The following TAF1 variants were observed in gnomAD, a reference collection of about 807,000 sequenced individuals.
TAF1 encodes the protein TATA-box binding protein associated factor 1, also known as transcription initiation factor TFIID subunit 1.
A neutral mutation model predicts 138.5 loss-of-function variants in TAF1; 2 were observed. That is an observed-to-expected ratio of 0.01 (90% CI 0.01 to 0.05). The LOEUF is 0.05. Among genes scored for constraint, TAF1 ranks in the 10% least tolerant of loss-of-function variants. TAF1 has a pLI of 1.00. For synonymous variants in TAF1, 437 were observed against 503.2 expected (o/e 0.87, Z 1.76); for missense variants, 709 against 1,478.0 (o/e 0.48, Z 8.53).
intron 13 of TAF1, among the ~76,000 whole-genome samples, chrX:71,512,308 CTG>C (rs1345527148): frequency 1.8e-5 from 2 of 111,356 alleles, no homozygotes; most frequent in Non-Finnish European, 3.8e-5. Context: ...GTGCGAGACT[CTG>C]TCTCAAAAAC....
At chrX:71,397,797 C>T (rs1367678391) in intron 23 of TAF1, among the ~76,000 whole-genome samples, 1 of 110,796 alleles carries the variant, frequency 9.0e-6, no homozygotes, top group Non-Finnish European at 1.9e-5. Context: ...TCACCACTTT[C>T]GAGTGTGATA....
chrX:71,422,463 G>GT (rs778199275), intron 29 of TAF1, among the ~76,000 whole-genome samples: 1 of 107,496 alleles, frequency 9.3e-6, no homozygotes, highest in South Asian at 4.1e-4. Context: ...CCACAGGCGT[G>GT]TGCCACCACG....
At position 71,489,458 on chromosome X, in the gene TAF1, C is replaced by T. The variant is rs1210104133; in HGVS notation, c.1366+28655C>T. On this transcript the variant is annotated intron_variant and NMD_transcript_variant, in intron 13 of 14. Transcript: ENST00000373775. ...TTGGGAGACCGAGGCAGGCGGATCACCCGAGACTGAGAGTTCGAGACCAGC... is the reference window on the plus strand; with the variant it reads ...TTGGGAGACCGAGGCAGGCGGATCATCCGAGACTGAGAGTTCGAGACCAGC... Among the ~76,000 whole-genome samples the T allele has an allele frequency of 3.6e-5, 4 of 111,102 alleles. No homozygotes were observed. The East Asian group carries it at 1.1e-3, about 31-fold the overall frequency.
intron 13 of TAF1, among the ~76,000 whole-genome samples, chrX:71,496,715 C>G (rs778978707): frequency 2.7e-5 from 3 of 110,549 alleles, no homozygotes; most frequent in Non-Finnish European, 3.8e-5. Context: ...GTCTCTTCCT[C>G]TCTCTCTTTC....
At chrX:71,407,188 T>C (rs1316362368) in intron 26 of TAF1, among the ~76,000 whole-genome samples, 2 of 108,597 alleles carry the variant, frequency 1.8e-5, no homozygotes, top group Non-Finnish European at 3.8e-5. Flanking sequence ...AGTGCTGGGA[T>C]TACAGTGAGC....
intron 13 of TAF1, among the ~76,000 whole-genome samples, chrX:71,514,327 GCAAACAAA>G (rs201216177): frequency 2.7e-5 from 3 of 109,212 alleles, no homozygotes; most frequent in Non-Finnish European, 5.7e-5. Context: ...TCTCAGAAAA[GCAAACAAA>G]CAAACAAACA....
At chrX:71,407,409 G>A (rs1403019670) in intron 26 of TAF1, among the ~76,000 whole-genome samples, 165 bp from the exon 27 acceptor site, 1 of 109,198 alleles carries the variant, frequency 9.2e-6, no homozygotes, top group African/African-American at 3.3e-5. Context: ...GTAGAGACGG[G>A]GCTTCACCAT....
At position 71,526,159 on chromosome X, in the gene TAF1, C is replaced by T. The variant is rs188501029; in HGVS notation, c.1367-2383C>T. ...TTTTAAACAATGTTTTCTTTTTATT[C>T]AAATCAATTCAAACTTTATAAAAAT... On this transcript the variant is annotated intron_variant and NMD_transcript_variant, in intron 13 of 14. Coordinates refer to the TAF1 transcript ENST00000373775. Among the ~76,000 whole-genome samples the T allele has an allele frequency of 2.9e-3, 325 of 111,016 alleles. 4 individuals are homozygous for T. In the South Asian group the frequency reaches 0.066, roughly 22 times the overall value.
intron 22 of TAF1, 52 bp downstream of exon 22, chrX:71,394,297 A>G (rs764400922): frequency 8.8e-7 from 1 of 1,135,711 alleles, no homozygotes; most frequent in African/African-American, 1.8e-5. Context: ...TTAAAAAAGG[A>G]GCCTACGTAA....
At chrX:71,368,694 C>T (rs1287794595) in intron 3 of TAF1, 2 of 104,729 alleles carry the variant, frequency 1.9e-5, no homozygotes, top group African/African-American at 3.5e-5. Flanking sequence ...TGACTGTAAT[C>T]CCAGGTACTC....
At chrX:71,367,287 G>T (rs1304785839) in intron 1 of TAF1, among the ~76,000 whole-genome samples, 1 of 112,685 alleles carries the variant, frequency 8.9e-6, no homozygotes, top group East Asian at 2.8e-4. Context: ...TGTGGGCGAT[G>T]CAGTTGGCTG....
intron 24 of TAF1, among the ~76,000 whole-genome samples, chrX:71,400,137 T>C (rs1362698353): frequency 1.8e-5 from 2 of 110,315 alleles, no homozygotes; most frequent in Non-Finnish European, 3.8e-5. Context: ...TCGCTCAGGC[T>C]GGAGTGCAAT....
At chrX:71,451,930 C>A (rs951437851) in intron 32 of TAF1, among the ~76,000 whole-genome samples, 4 of 112,895 alleles carry the variant, frequency 3.5e-5, no homozygotes, top group African/African-American at 1.3e-4. Flanking sequence ...CCCACCTTTC[C>A]CCTTTTTCTA....
chrX:71,496,599 C>T (rs893856248), intron 13 of TAF1, among the ~76,000 whole-genome samples: 1 of 108,757 alleles, frequency 9.2e-6, no homozygotes, highest in Non-Finnish European at 1.9e-5. Context: ...CTCTGCCTGC[C>T]TCTCTCTTTG....
At chrX:71,440,005 A>G (rs1232340556) in intron 32 of TAF1, among the ~76,000 whole-genome samples, 2 of 111,348 alleles carry the variant, frequency 1.8e-5, no homozygotes, top group Non-Finnish European at 1.9e-5. Context: ...CGTGCCATAT[A>G]TATGTTCCTG....
At chrX:71,397,641 C>T (rs1389369188) in intron 23 of TAF1, among the ~76,000 whole-genome samples, 175 bp downstream of exon 23, 3 of 110,777 alleles carry the variant, frequency 2.7e-5, no homozygotes, top group Non-Finnish European at 5.7e-5. Context: ...CACCACCATG[C>T]CCAGCTAATT....
At chrX:71,452,403 T>C (rs1355081676) in intron 32 of TAF1, among the ~76,000 whole-genome samples, 19 of 104,230 alleles carry the variant, frequency 1.8e-4, no homozygotes, top group Middle Eastern at 5.6e-3. Flanking sequence ...CGGGCAGAGG[T>C]GCTCCTCACA....
intron 28 of TAF1, among the ~76,000 whole-genome samples, chrX:71,417,949 TCAA>T (rs1298255304): frequency 8.9e-6 from 1 of 112,267 alleles, no homozygotes; most frequent in Non-Finnish European, 1.9e-5. Flanking sequence ...TTCAGTCAGT[TCAA>T]CACTTTGTTA....
chrX:71,410,967 G>A lies in TAF1; in HGVS notation c.4384+2816G>A, dbSNP rs755318711. On this transcript the variant is annotated intron_variant, in intron 28 of 37. Coordinates refer to ENST00000423759, the MANE Select transcript of TAF1 (RefSeq NM_004606.5). ...CGGGCTAATTTTTTTATTTTTAGTAGAGATGAGGTTTTGCCATGTTGGCCA... is the reference window on the plus strand; with the variant it reads ...CGGGCTAATTTTTTTATTTTTAGTAAAGATGAGGTTTTGCCATGTTGGCCA... Among the ~76,000 whole-genome samples the A allele has an allele frequency of 2.7e-5, 3 of 109,502 alleles. No individual in the cohort carries two copies. In the South Asian group the frequency reaches 1.2e-3, roughly 43 times the overall value.
Sources: gnomAD v4.1 joint callset for allele counts (sites outside exome capture counted in the v4.1 genomes callset) on GRCh38, gnomAD v4.1.1 for gene constraint, MANE v1.5 for transcripts, NCBI Gene and HGNC (gene_info 2026-07-23, HGNC 2026-07-21) for gene names.